Variants in GRM1 observed in about 807,000 individuals in gnomAD.
The protein encoded by GRM1 is metabotropic glutamate receptor 1.
A neutral mutation model predicts 90.9 loss-of-function variants in GRM1; 33 were observed. The observed-to-expected ratio is 0.36, with a 90% CI of 0.28 to 0.49. The LOEUF is 0.49. Ranked by LOEUF, GRM1 falls within the 20% of genes least tolerant of loss-of-function variation. The probability of loss-of-function intolerance (pLI) is 0.99; values close to 1 mark genes in which losing one functional copy is unlikely to be tolerated. For synonymous variants in GRM1, 700 were observed against 613.2 expected (o/e 1.14, Z -2.09); for missense variants, 1,190 against 1,534.3 (o/e 0.78, Z 3.75).
chr6:146,250,657 C>G (rs559855823), intron 2 of GRM1, among the ~76,000 whole-genome samples: 1 of 152,164 alleles, frequency 6.6e-6, no homozygotes, highest in Non-Finnish European at 1.5e-5. Flanking sequence ...ACTCAGGATA[C>G]TTCTTTTTAC....
At chr6:146,426,534 G>A in intron 7 of GRM1, 1 of 1,604,492 alleles carries the variant, frequency 6.2e-7, no homozygotes, top group Non-Finnish European at 8.5e-7. Context: ...CGCTCACTGG[G>A]TGTCTTTTTC....
At chr6:146,049,113 C>G (rs1791434685) in intron 1 of GRM1, among the ~76,000 whole-genome samples, 1 of 151,800 alleles carries the variant, frequency 6.6e-6, no homozygotes, top group African/African-American at 2.4e-5. Flanking sequence ...CTATTAATTG[C>G]TTAACTTTTA....
chr6:146,203,508 C>T (rs1779392331), intron 2 of GRM1, among the ~76,000 whole-genome samples: 1 of 152,092 alleles, frequency 6.6e-6, no homozygotes, highest in South Asian at 2.1e-4. Flanking sequence ...AATTGTGCAC[C>T]TAGGCTCAAG....
intron 3 of GRM1, among the ~76,000 whole-genome samples, chr6:146,314,051 CTTTTTTTTTTTTTTT>C (rs552986343): frequency 0.21 from 13,373 of 62,794 alleles, 871 homozygotes; most frequent in South Asian, 0.37. Context: ...TAGTTAATTC[CTTTTTTTTTTTTTTT>C]TTTTTTTTTT....
At chr6:146,178,059 C>G (rs1778397981) in intron 2 of GRM1, among the ~76,000 whole-genome samples, 1 of 152,096 alleles carries the variant, frequency 6.6e-6, no homozygotes, top group South Asian at 2.1e-4. Context: ...ATTGATACTG[C>G]ATTATAACAA....
At chr6:146,248,627 G>A (rs1462956762) in intron 2 of GRM1, among the ~76,000 whole-genome samples, 1 of 152,178 alleles carries the variant, frequency 6.6e-6, no homozygotes, top group East Asian at 1.9e-4. Context: ...CCAGTCTCAG[G>A]TAGTAGCCTT....
At chr6:146,055,525 C>T (rs1016413760) in intron 1 of GRM1, among the ~76,000 whole-genome samples, 1 of 151,980 alleles carries the variant, frequency 6.6e-6, no homozygotes, top group Admixed American at 6.6e-5. Context: ...CTTTATTATT[C>T]TTTCTTTTAT....
chr6:146,082,640 T>C (rs1049051937), intron 1 of GRM1, among the ~76,000 whole-genome samples: 7 of 152,214 alleles, frequency 4.6e-5, no homozygotes, highest in African/African-American at 1.7e-4. Flanking sequence ...ATTTTTATTT[T>C]CCCTATCCTC....
In GRM1 at chr6:146,302,910, G is replaced by GAGGAAGGAAGGA. The variant is rs368002136; in HGVS notation, c.951-1684_951-1673dup. On this transcript the variant is annotated intron_variant, in intron 2 of 7. Coordinates refer to ENST00000282753, the MANE Select transcript of GRM1 (RefSeq NM_001278064.2). ...GAACGAAGGGAGGAAGGGAGGGAGG[G>GAGGAAGGAAGGA]AGGAAGGAAGGAAGGAAGGAAGGAA... is the stretch of plus-strand genomic sequence containing the variant. Among the ~76,000 whole-genome samples the GAGGAAGGAAGGA allele has an allele frequency of 8.0e-4, 122 of 151,588 alleles. No homozygotes were observed. The East Asian group carries it at 0.02, about 25-fold the overall frequency.
chr6:146,173,798 C>T (rs1160781685), intron 2 of GRM1, among the ~76,000 whole-genome samples: 1 of 151,994 alleles, frequency 6.6e-6, no homozygotes, highest in East Asian at 1.9e-4. Context: ...TCCCAAGTAG[C>T]TGGGATTACA....
chr6:146,202,472 C>T (rs1173683981), intron 2 of GRM1, among the ~76,000 whole-genome samples: 1 of 152,204 alleles, frequency 6.6e-6, no homozygotes, highest in Non-Finnish European at 1.5e-5. Context: ...CCTAACACAG[C>T]TCCAGTACTC....
intron 1 of GRM1, among the ~76,000 whole-genome samples, chr6:146,154,913 A>G (rs1777465768): frequency 1.3e-5 from 2 of 152,210 alleles, no homozygotes; most frequent in Admixed American, 1.3e-4. Flanking sequence ...ATAATGTTTC[A>G]TTTTAAAGGT....
At chr6:146,301,009 T>C (rs1583294757) in intron 2 of GRM1, among the ~76,000 whole-genome samples, 1 of 152,194 alleles carries the variant, frequency 6.6e-6, no homozygotes, top group African/African-American at 2.4e-5. Flanking sequence ...ATGAAACACT[T>C]TGAAAGTATA....
intron 7 of GRM1, among the ~76,000 whole-genome samples, chr6:146,416,916 A>T (rs1562685064): frequency 6.6e-6 from 1 of 152,146 alleles, no homozygotes; most frequent in Non-Finnish European, 1.5e-5. Context: ...GTAGCCTAAA[A>T]TGTGATAAAT....
chr6:146,267,469 G>A (rs1281418019), intron 2 of GRM1, among the ~76,000 whole-genome samples: 2 of 152,104 alleles, frequency 1.3e-5, no homozygotes, highest in East Asian at 3.9e-4. Context: ...AGTTTATTAA[G>A]TATTAACATA....
chr6:146,033,308 C>T (rs1790771278), intron 1 of GRM1, among the ~76,000 whole-genome samples: 1 of 152,104 alleles, frequency 6.6e-6, no homozygotes, highest in South Asian at 2.1e-4. Context: ...TAGCCTACCA[C>T]TGATAAGAAT....
intron 2 of GRM1, among the ~76,000 whole-genome samples, chr6:146,209,172 C>A (rs1779594624): frequency 1.3e-5 from 2 of 152,000 alleles, no homozygotes; most frequent in African/African-American, 4.8e-5. Flanking sequence ...AATCTAAATC[C>A]TTTAGATCCA....
At position 146,242,596 on chromosome 6, in the gene GRM1, T is replaced by C. The variant is rs1275832063; in HGVS notation, c.951-62015T>C. On this transcript the variant is annotated intron_variant, in intron 2 of 7. Transcript: ENST00000282753. ...TTTCAATCAGCTTCTATAAAGCCAGTTGCATGAAATTCCTGTGCTCTGTCG... is the reference window on the plus strand; with the variant it reads ...TTTCAATCAGCTTCTATAAAGCCAGCTGCATGAAATTCCTGTGCTCTGTCG... Among the ~76,000 whole-genome samples, 4 of 152,154 alleles carry C rather than the reference T, an allele frequency of 2.6e-5. No individual in the cohort carries two copies. The East Asian group carries it at 7.7e-4, about 29-fold the overall frequency.
chr6:146,267,697 GCTCGGCTCGTCTCGT>G (rs1407151063), intron 2 of GRM1, among the ~76,000 whole-genome samples: 46 of 110,538 alleles, frequency 4.2e-4, no homozygotes, highest in Non-Finnish European at 5.5e-4. Flanking sequence ...GCTCGGCTCG[GCTCGGCTCGTCTCGT>G]CTCGTCTCGT....
Sources: gnomAD v4.1 joint callset for allele counts (sites outside exome capture counted in the v4.1 genomes callset) on GRCh38, gnomAD v4.1.1 for gene constraint, MANE v1.5 for transcripts, NCBI Gene and HGNC (gene_info 2026-07-23, HGNC 2026-07-21) for gene names.